The following BCAS3 variants were observed in gnomAD, a reference collection of about 807,000 sequenced individuals.
The protein encoded by BCAS3 is BCAS4/BCAS3 fusion.
A neutral mutation model predicts 116.1 loss-of-function variants in BCAS3; 53 were observed. That is an observed-to-expected ratio of 0.46 (90% CI 0.37 to 0.57). BCAS3 has a LOEUF of 0.57. Among genes scored for constraint, BCAS3 ranks in the 20% least tolerant of loss-of-function variants. The pLI, the probability that BCAS3 is intolerant of heterozygous loss-of-function variation, is 0.00. For synonymous variants in BCAS3, 391 were observed against 408.2 expected (o/e 0.96, Z 0.51); for missense variants, 917 against 1,165.4 (o/e 0.79, Z 3.10).
At chr17:61,111,658 C>T (rs1188829752) in intron 22 of BCAS3, among the ~76,000 whole-genome samples, 5 of 145,618 alleles carry the variant, frequency 3.4e-5, no homozygotes, top group African/African-American at 1.3e-4. Flanking sequence ...TTGGAAAACA[C>T]TCTGCAGGAT....
intron 13 of BCAS3, among the ~76,000 whole-genome samples, chr17:60,929,473 A>G (rs2059527989): frequency 6.6e-6 from 1 of 152,116 alleles, no homozygotes; most frequent in Non-Finnish European, 1.5e-5. Context: ...TTCTCTGCAC[A>G]CTGGCTGAAT....
chr17:60,698,203 AAAG>A (rs1370752159), intron 4 of BCAS3, among the ~76,000 whole-genome samples: 4 of 151,818 alleles, frequency 2.6e-5, no homozygotes, highest in Admixed American at 6.6e-5. Context: ...AAAAAAAAAA[AAAG>A]AGCAGCAGTG....
chr17:60,856,793 T>C (rs536448413), intron 7 of BCAS3, among the ~76,000 whole-genome samples: 5 of 152,342 alleles, frequency 3.3e-5, no homozygotes, highest in East Asian at 3.9e-4. Flanking sequence ...TTTTAAGAAA[T>C]CTGGTTTAAA....
intron 10 of BCAS3, among the ~76,000 whole-genome samples, chr17:60,890,691 A>G (rs2057085852): frequency 6.6e-6 from 1 of 152,212 alleles, no homozygotes; most frequent in Non-Finnish European, 1.5e-5. Flanking sequence ...TGAATCTTCA[A>G]AAAGAAAGAT....
chr17:61,284,916 C>T (rs1307486034), intron 22 of BCAS3, among the ~76,000 whole-genome samples: 1 of 152,206 alleles, frequency 6.6e-6, no homozygotes, highest in African/African-American at 2.4e-5. Flanking sequence ...GCTTCCCCAG[C>T]ACCTAGCTAG....
Position 61,118,357 on chromosome 17 carries a change from C to G in BCAS3, c.2425+33793C>G, listed in dbSNP as rs540128761. On this transcript the variant is annotated intron_variant, in intron 22 of 23. Transcript: ENST00000407086. This position sits in a 1 kb window ranked among gnomAD's most constrained non-coding sequence, Gnocchi z 5.0. ...TCAAAGTCCAAAAAGGGATTCTCCC[C>G]TAGACCTCTTTCATAAGCACCCCAG... Among the ~76,000 whole-genome samples, 4 of 152,196 alleles carry G rather than the reference C, an allele frequency of 2.6e-5. No homozygotes were observed. Among genetic ancestry groups the G allele is most frequent in the Non-Finnish European group, 5.9e-5 (4 of 68,032 alleles).
intron 22 of BCAS3, among the ~76,000 whole-genome samples, chr17:61,212,104 G>A (rs2081494789): frequency 6.6e-6 from 1 of 152,148 alleles, no homozygotes; most frequent in Admixed American, 6.5e-5. Context: ...AAACAAAATA[G>A]GAATATTCTG....
chr17:60,990,664 T>G lies in BCAS3; in HGVS notation c.1486+429T>G, dbSNP rs1192492591. Among the ~76,000 whole-genome samples the G allele has an allele frequency of 6.6e-6, 1 of 152,000 alleles. No homozygotes were observed. Among genetic ancestry groups the G allele is most frequent in the Non-Finnish European group, 1.5e-5 (1 of 67,988 alleles). ...AGCAGCATTTGCTTTTTTTTTTTTT[T>G]GAGACGGAGTCTTGCACTGTAGCCT... On this transcript the variant is annotated intron_variant, in intron 15 of 23. Transcript: ENST00000407086. This position sits in a 1 kb window ranked among gnomAD's most constrained non-coding sequence, Gnocchi z 5.1.
chr17:61,234,803 A>T (rs1311892693), intron 22 of BCAS3, among the ~76,000 whole-genome samples: 2 of 136,574 alleles, frequency 1.5e-5, no homozygotes, highest in African/African-American at 5.1e-5. Flanking sequence ...AAAAAAAAAA[A>T]ATCATAGTAC....
At chr17:60,918,123 G>A (rs547416044) in intron 12 of BCAS3, among the ~76,000 whole-genome samples, 7 of 152,070 alleles carry the variant, frequency 4.6e-5, no homozygotes, top group East Asian at 1.9e-4. Context: ...TCAATTTCTC[G>A]TATATCCTTA....
intron 7 of BCAS3, among the ~76,000 whole-genome samples, chr17:60,808,552 A>G (rs1474387075): frequency 3.9e-5 from 6 of 152,234 alleles, no homozygotes; most frequent in African/African-American, 9.6e-5. Flanking sequence ...TGGTTAGGTC[A>G]TGGAGTCTTG....
intron 7 of BCAS3, among the ~76,000 whole-genome samples, chr17:60,813,398 A>G (rs2049027572): frequency 6.6e-6 from 1 of 151,852 alleles, no homozygotes; most frequent in Non-Finnish European, 1.5e-5. Flanking sequence ...TTGCCTGGCT[A>G]ATCTTTGTAT....
At chr17:61,272,012 G>A (rs2050328539) in intron 22 of BCAS3, among the ~76,000 whole-genome samples, 2 of 149,862 alleles carry the variant, frequency 1.3e-5, no homozygotes, top group African/African-American at 5.1e-5. Flanking sequence ...GTATCGTTCT[G>A]TTGCCCAGGC....
At chr17:61,048,764 G>A (rs907744812) in intron 19 of BCAS3, among the ~76,000 whole-genome samples, 6 of 151,780 alleles carry the variant, frequency 4.0e-5, no homozygotes, top group Admixed American at 3.9e-4. Flanking sequence ...GACTGCAGAG[G>A]GTCCTTTTCC....
chr17:61,359,116 G>A (rs1438584670), intron 22 of BCAS3, among the ~76,000 whole-genome samples: 1 of 152,038 alleles, frequency 6.6e-6, no homozygotes, highest in Non-Finnish European at 1.5e-5. Context: ...CAGCCTTACC[G>A]GTGGCATTGC....
chr17:61,075,319 A>C (rs554949050), intron 20 of BCAS3, among the ~76,000 whole-genome samples: 2 of 152,010 alleles, frequency 1.3e-5, no homozygotes, highest in African/African-American at 4.8e-5. Flanking sequence ...GAATCAATTA[A>C]TTTATTAATT....
At chr17:60,776,955 C>T (rs190266603) in intron 6 of BCAS3, among the ~76,000 whole-genome samples, 12 of 143,472 alleles carry the variant, frequency 8.4e-5, no homozygotes, top group Non-Finnish European at 1.3e-4. Context: ...GCGGAGGTTG[C>T]GGTGAGCTGA....
Position 61,380,576 on chromosome 17 carries a change from G to A in BCAS3, c.2594-11401G>A. On this transcript the variant is annotated intron_variant, in intron 23 of 23. Transcript: ENST00000407086. This position sits in a 1 kb window ranked among gnomAD's most constrained non-coding sequence, Gnocchi z 4.2. ...ACGTGGCAGTGAAGTGTTTTGGTAT[G>A]TAACGTCCTATCTTTGCCTATGTGG... 1 of 1,597,294 alleles carries A rather than the reference G, an allele frequency of 6.3e-7. No homozygotes were observed. Among genetic ancestry groups the A allele is most frequent in the Non-Finnish European group, 8.5e-7 (1 of 1,178,820 alleles).
rs188108662 is a variant in BCAS3 at position 60,859,269 on chromosome 17, G to C, written c.477-9307G>C. 2.7e-3 allele frequency among the ~76,000 whole-genome samples: 403 copies of C among 151,680 alleles called. 1 individual carries two copies. Among genetic ancestry groups the C allele is most frequent in the African/African-American group, 9.2e-3 (379 of 41,234 alleles). On this transcript the variant is annotated intron_variant, in intron 7 of 23. Coordinates refer to ENST00000407086, the MANE Select transcript of BCAS3 (RefSeq NM_017679.5). ...AGTAAATTGTATGTCACTGGAGTTT[G>C]GTGTACAGATTATTTTGTCACCCAG... is the stretch of plus-strand genomic sequence containing the variant.
Sources: gnomAD v4.1 joint callset for allele counts (sites outside exome capture counted in the v4.1 genomes callset) on GRCh38, gnomAD v4.1.1 for gene constraint, Gnocchi (gnomAD v3.1) non-coding constraint, MANE v1.5 for transcripts, NCBI Gene and HGNC (gene_info 2026-07-23, HGNC 2026-07-21) for gene names.